Variants in GABRG3 observed in about 807,000 individuals in gnomAD.
GABRG3 encodes gamma-aminobutyric acid receptor subunit gamma-3.
A neutral mutation model predicts 48.8 loss-of-function variants in GABRG3; 25 were observed. The observed-to-expected ratio is 0.51, with a 90% CI of 0.37 to 0.72. The LOEUF (loss-of-function observed/expected upper bound fraction) is 0.72, where lower values mean the gene tolerates loss of function less well. Ranked by LOEUF, GABRG3 falls within the 30% of genes least tolerant of loss-of-function variation. The pLI, the probability that GABRG3 is intolerant of heterozygous loss-of-function variation, is 0.00. For missense variants in GABRG3, 394 were observed against 577.9 expected (o/e 0.68, Z 3.26); for synonymous variants, 227 against 217.6 (o/e 1.04, Z -0.38).
At chr15:27,400,281 T>C (rs180995473) in intron 5 of GABRG3, among the ~76,000 whole-genome samples, 2 of 152,202 alleles carry the variant, frequency 1.3e-5, no homozygotes, top group Admixed American at 6.5e-5. Flanking sequence ...TGAGAATAAA[T>C]AAGTTTATTT....
chr15:27,318,270 ATTT>A (rs1195550994), intron 3 of GABRG3, among the ~76,000 whole-genome samples: 1 of 151,928 alleles, frequency 6.6e-6, no homozygotes, highest in Admixed American at 6.6e-5. Flanking sequence ...AAGCCACGTC[ATTT>A]TTTTTCTCCT....
chr15:27,006,438 T>C (rs1010623891), intron 2 of GABRG3, among the ~76,000 whole-genome samples: 8 of 152,142 alleles, frequency 5.3e-5, no homozygotes, highest in African/African-American at 1.9e-4. Context: ...TGGGCTCAAG[T>C]GATCTGCCCA....
rs1893417480 is a variant in GABRG3, at chr15:27,321,294, T to A, written c.271-5515T>A. On this transcript the variant is annotated intron_variant, in intron 3 of 9. Coordinates refer to ENST00000615808, the MANE Select transcript of GABRG3 (RefSeq NM_033223.5). ...AGCACAGTGCCCCGCAAAGGACTCT[T>A]AATAAGGGAGGTGCCTGGGCTAAGC... Among the ~76,000 whole-genome samples, 3 of 152,132 alleles carry A rather than the reference T, an allele frequency of 2.0e-5. No individual in the cohort carries two copies. The South Asian group carries it at 6.2e-4, about 32-fold the overall frequency.
chr15:27,070,029 G>T (rs1001989908), intron 3 of GABRG3, among the ~76,000 whole-genome samples: 1 of 152,224 alleles, frequency 6.6e-6, no homozygotes, highest in Non-Finnish European at 1.5e-5. Flanking sequence ...GTGAATTAGA[G>T]AGAGGAAGGA....
chr15:27,463,258 A>C (rs1221678851), intron 5 of GABRG3, among the ~76,000 whole-genome samples: 2 of 152,228 alleles, frequency 1.3e-5, no homozygotes, highest in Non-Finnish European at 2.9e-5. Context: ...CATGATATAT[A>C]TAAAGAAAAT....
intron 3 of GABRG3, among the ~76,000 whole-genome samples, chr15:27,185,715 G>A (rs1888071229): frequency 6.6e-6 from 1 of 151,932 alleles, no homozygotes; most frequent in Non-Finnish European, 1.5e-5. Flanking sequence ...TGATGCTTTT[G>A]TTTGGTACAT....
intron 5 of GABRG3, among the ~76,000 whole-genome samples, chr15:27,377,475 T>C (rs1318215747): frequency 6.6e-6 from 1 of 152,200 alleles, no homozygotes; most frequent in Non-Finnish European, 1.5e-5. Context: ...CAGTTCCACA[T>C]GGCTGGGGAG....
rs906315990 is a variant in GABRG3, at chr15:27,078,007, C to T, written c.270+51186C>T. On this transcript the variant is annotated intron_variant, in intron 3 of 9. Transcript: ENST00000615808. ...ATGTGCCATGTTTCTGTTTCTCTGG[C>T]GCCCTCTGTGATGCTGGCTGGACAC... Among the ~76,000 whole-genome samples the T allele has an allele frequency of 3.9e-5, 6 of 152,160 alleles. 1 individual carries two copies. Among genetic ancestry groups the T allele is most frequent in the South Asian group, 4.1e-4 (2 of 4,832 alleles).
intron 3 of GABRG3, among the ~76,000 whole-genome samples, chr15:27,087,969 G>A (rs1595516165): frequency 6.6e-6 from 1 of 151,040 alleles, no homozygotes; most frequent in Admixed American, 6.6e-5. Flanking sequence ...TGTGGAGTGT[G>A]TGTGTGCATG....
At chr15:27,076,100 C>A (rs567888419) in intron 3 of GABRG3, among the ~76,000 whole-genome samples, 1 of 152,236 alleles carries the variant, frequency 6.6e-6, no homozygotes, top group Admixed American at 6.5e-5. Flanking sequence ...CTGCTGCATT[C>A]TTTTCTGCCA....
chr15:27,132,542 T>G (rs1204559949), intron 3 of GABRG3, among the ~76,000 whole-genome samples: 2 of 143,586 alleles, frequency 1.4e-5, no homozygotes, highest in Non-Finnish European at 3.0e-5. Flanking sequence ...CTTTGAAAGG[T>G]TGTACGTTTC....
At chr15:27,518,479 C>T (rs1391257174) in intron 6 of GABRG3, among the ~76,000 whole-genome samples, 1 of 151,902 alleles carries the variant, frequency 6.6e-6, no homozygotes, top group Non-Finnish European at 1.5e-5. Flanking sequence ...TTCTATAAAC[C>T]AACCAGTTTA....
chr15:27,025,575 G>T (rs144528164), intron 2 of GABRG3, among the ~76,000 whole-genome samples: 1 of 152,282 alleles, frequency 6.6e-6, no homozygotes, highest in South Asian at 2.1e-4. Flanking sequence ...TGTAGGAGTT[G>T]GTTCAAAGTC....
intron 3 of GABRG3, among the ~76,000 whole-genome samples, chr15:27,199,037 C>T (rs1034752325): frequency 1.3e-5 from 2 of 152,004 alleles, no homozygotes; most frequent in Non-Finnish European, 2.9e-5. Context: ...GGAGAAATAC[C>T]TAATGTAGAT....
intron 5 of GABRG3, among the ~76,000 whole-genome samples, chr15:27,380,320 T>C (rs575945213): frequency 6.6e-6 from 1 of 152,278 alleles, no homozygotes; most frequent in South Asian, 2.1e-4. Flanking sequence ...CTTTAGCATA[T>C]TAATCATAAT....
intron 5 of GABRG3, among the ~76,000 whole-genome samples, chr15:27,472,596 T>G (rs1376433301): frequency 6.6e-6 from 1 of 152,176 alleles, no homozygotes; most frequent in Non-Finnish European, 1.5e-5. Context: ...CTTTCTAGTC[T>G]GTATGCCTCT....
At chr15:27,095,121 A>G (rs1045367164) in intron 3 of GABRG3, among the ~76,000 whole-genome samples, 62 of 152,280 alleles carry the variant, frequency 4.1e-4, no homozygotes, top group African/African-American at 1.4e-3. Context: ...TCCCATTGTC[A>G]GTTTTTTAAA....
intron 5 of GABRG3, among the ~76,000 whole-genome samples, chr15:27,388,403 G>GGA (rs1206955309): frequency 6.1e-5 from 9 of 147,440 alleles, no homozygotes; most frequent in Non-Finnish European, 1.2e-4. Context: ...GGAGGGAGGG[G>GGA]AAGGAAGGAA....
chr15:27,144,733 G>T (rs1393972681), intron 3 of GABRG3, among the ~76,000 whole-genome samples: 1 of 152,194 alleles, frequency 6.6e-6, no homozygotes, highest in East Asian at 1.9e-4. Flanking sequence ...AAGGCCCTGT[G>T]CTCTCACTTA....
Sources: allele counts gnomAD v4.1 joint callset (sites outside exome capture counted in the v4.1 genomes callset), GRCh38; gene constraint gnomAD v4.1.1; transcripts MANE v1.5; gene names NCBI Gene and HGNC (gene_info 2026-07-23, HGNC 2026-07-21).